Variants in PJA2 observed in about 807,000 individuals in gnomAD.
The protein encoded by PJA2 is E3 ubiquitin-protein ligase Praja-2.
Under a neutral mutation model 69.3 loss-of-function variants are expected in PJA2, and 25 were observed. The observed-to-expected ratio is 0.36, with a 90% CI of 0.26 to 0.50. PJA2 has a LOEUF of 0.50. Ranked by LOEUF, PJA2 falls within the 20% of genes least tolerant of loss-of-function variation. PJA2 has a pLI of 0.96. For missense variants in PJA2, 809 were observed against 830.2 expected (o/e 0.97, Z 0.31); for synonymous variants, 308 against 277.8 (o/e 1.11, Z -1.08).
intron 7 of PJA2, among the ~76,000 whole-genome samples, chr5:109,354,289 CTA>C (rs1762357993): frequency 7.0e-6 from 1 of 143,278 alleles, no homozygotes; most frequent in African/African-American, 2.7e-5. Flanking sequence ...GATTAGATAT[CTA>C]TGATATCTAG....
chr5:109,400,922 G>C (rs924756900), intron 1 of PJA2, among the ~76,000 whole-genome samples: 1 of 152,190 alleles, frequency 6.6e-6, no homozygotes, highest in Non-Finnish European at 1.5e-5. Flanking sequence ...GGCAGAGCTT[G>C]CAGTGAGCCG....
intron 7 of PJA2, among the ~76,000 whole-genome samples, chr5:109,352,861 T>C (rs939789297): frequency 8.6e-5 from 13 of 150,346 alleles, no homozygotes; most frequent in African/African-American, 2.4e-4. Context: ...TACAATATCA[T>C]AGACATCTAT....
chr5:109,352,917 T>C (rs1361993332), intron 7 of PJA2, among the ~76,000 whole-genome samples: 2 of 142,592 alleles, frequency 1.4e-5, no homozygotes, highest in Non-Finnish European at 3.2e-5. Flanking sequence ...TAGATACCTA[T>C]AATATCATAG....
chr5:109,390,740 C>CAA (rs1747263874), intron 1 of PJA2: 1 of 151,848 alleles, frequency 6.6e-6, no homozygotes, highest in Admixed American at 6.6e-5. Context: ...TTTAAAATAT[C>CAA]ATTATCTTAG....
At position 109,363,042 on chromosome 5, in the gene PJA2, G is replaced by A. The variant is rs1451633511; in HGVS notation, c.1470-20C>T. On this transcript the variant is annotated intron_variant, in intron 5 of 9. Transcript: ENST00000361189. Reference sequence around the variant, plus strand: ...TGTTCCCTAGTACAAACATTTTAAAGGAAGAAAAAAATATTATTTTAAAAC... The same window carrying A: ...TGTTCCCTAGTACAAACATTTTAAAAGAAGAAAAAAATATTATTTTAAAAC... 10 of 1,534,010 alleles carry A rather than the reference G, an allele frequency of 6.5e-6. No individual in the cohort carries two copies. Among genetic ancestry groups the A allele is most frequent in the Admixed American group, 1.9e-5 (1 of 53,780 alleles).
intron 1 of PJA2, among the ~76,000 whole-genome samples, chr5:109,407,862 T>C (rs766225203): frequency 2.6e-4 from 40 of 152,066 alleles, no homozygotes; most frequent in Non-Finnish European, 5.1e-4. Flanking sequence ...GTGAATAAAA[T>C]GGAGAGGCCA....
chr5:109,347,918 G>T (rs1762195126), intron 7 of PJA2, among the ~76,000 whole-genome samples: 1 of 152,160 alleles, frequency 6.6e-6, no homozygotes. Flanking sequence ...TCTTGGGACT[G>T]AACTCAGACT....
At chr5:109,339,922 A>G (rs1276900152) in intron 9 of PJA2, among the ~76,000 whole-genome samples, 1 of 152,140 alleles carries the variant, frequency 6.6e-6, no homozygotes, top group African/African-American at 2.4e-5. Flanking sequence ...TTATTTCCCA[A>G]ATTTTGTTCT....
chr5:109,378,146 T>C, intron 4 of PJA2, 58 bp downstream of exon 4: 4 of 1,275,034 alleles, frequency 3.1e-6, no homozygotes, highest in Non-Finnish European at 4.4e-6. Context: ...AACATGGTTC[T>C]AGAAAGAAAC....
intron 7 of PJA2, among the ~76,000 whole-genome samples, chr5:109,349,585 AC>A (rs1380374264): frequency 3.3e-5 from 5 of 152,074 alleles, no homozygotes; most frequent in Admixed American, 1.3e-4. Flanking sequence ...TTTCCTCAGC[AC>A]CCTAAGAGAG....
intron 7 of PJA2, among the ~76,000 whole-genome samples, chr5:109,354,494 A>AGATTAGATATCTATG (rs1380528220): frequency 1.5e-5 from 1 of 64,848 alleles, no homozygotes. Context: ...AGATATCTAT[A>AGATTAGATATCTATG]ATATCATAGA....
chr5:109,358,689 C>T (rs1223293854), intron 6 of PJA2, among the ~76,000 whole-genome samples: 1 of 152,116 alleles, frequency 6.6e-6, no homozygotes, highest in Non-Finnish European at 1.5e-5. Flanking sequence ...GCATTGGTAG[C>T]TCATGCTTGT....
rs536537476 is a variant in PJA2, at chr5:109,334,726, G to A, written c.*2505C>T. 1.3e-5 allele frequency: 2 copies of A among 152,496 alleles called. No individual in the cohort carries two copies. The highest frequency in any genetic ancestry group is 2.9e-5 in the Non-Finnish European group (2 of 68,030). The allele number at this position is 152,496 out of a possible 1,614,324, so 9.4% of individuals were successfully genotyped here. On this transcript the variant is annotated 3_prime_UTR_variant, in exon 10 of 10. Transcript: ENST00000361189. ...CAATTAAATATTAGAAATGACCACC[G>A]AGTATATTCTGTTTATTGTTTATGA...
At chr5:109,364,759 A>C (rs1030079204) in intron 5 of PJA2, among the ~76,000 whole-genome samples, 5 of 133,484 alleles carry the variant, frequency 3.7e-5, no homozygotes, top group African/African-American at 1.5e-4. Flanking sequence ...TCCTTAATCA[A>C]TAGAAGCTTA....
intron 6 of PJA2, among the ~76,000 whole-genome samples, chr5:109,357,919 CAA>C (rs1762441494): frequency 6.6e-6 from 1 of 152,222 alleles, no homozygotes; most frequent in Non-Finnish European, 1.5e-5. Flanking sequence ...TCTAGACACT[CAA>C]AGCATAATAT....
rs548891161 is a variant in PJA2 at position 109,409,964 on chromosome 5, G to A, written c.-210C>T. 2.3e-5 allele frequency: 5 copies of A among 218,408 alleles called. No individual in the cohort carries two copies. The highest frequency in any genetic ancestry group is 4.5e-5 in the Non-Finnish European group (5 of 111,434). The allele number at this position is 218,408 out of a possible 1,614,324, so 13.5% of individuals were successfully genotyped here. A position where few individuals can be genotyped will look rare whatever the true frequency, so the allele number is the denominator to read the frequency against. ...GAAGCGGCTGGCGGCTGTGGCGGCG[G>A]CGGCGGCGGTGGCGGCGGCGGAAGC... On this transcript the variant is annotated 5_prime_UTR_variant, in exon 1 of 10. Coordinates refer to ENST00000361189, the MANE Select transcript of PJA2 (RefSeq NM_014819.5).
intron 5 of PJA2, among the ~76,000 whole-genome samples, chr5:109,365,975 A>C (rs1434197380): frequency 6.6e-6 from 1 of 152,200 alleles, no homozygotes; most frequent in Non-Finnish European, 1.5e-5. Context: ...ATTGGTGTCT[A>C]TCTAGACAAC....
chr5:109,346,280 C>A (rs1000429159), intron 7 of PJA2, among the ~76,000 whole-genome samples: 2 of 152,198 alleles, frequency 1.3e-5, no homozygotes, highest in Non-Finnish European at 2.9e-5. Context: ...AATTTGACAA[C>A]TATCAAAACT....
intron 4 of PJA2, among the ~76,000 whole-genome samples, chr5:109,372,923 A>AAAAAAAAAAAAAAAGAAAAAAAAAAAG (rs1272538036): frequency 7.3e-6 from 1 of 136,788 alleles, no homozygotes; most frequent in Non-Finnish European, 1.6e-5. Flanking sequence ...AAAAAAAAAA[A>AAAAAAAAAAAAAAAGAAAAAAAAAAAG]AAAGAAAGAA....
Sources: gnomAD v4.1 joint callset for allele counts (sites outside exome capture counted in the v4.1 genomes callset) on GRCh38, gnomAD v4.1.1 for gene constraint, MANE v1.5 for transcripts, NCBI Gene and HGNC (gene_info 2026-07-23, HGNC 2026-07-21) for gene names.